PALD1: variants seen among roughly 807,000 people sequenced by gnomAD.
The protein encoded by PALD1 is phosphatase domain containing paladin 1.
In PALD1, 57 loss-of-function variants were observed where a neutral mutation model predicts 96.0. The observed-to-expected ratio is 0.59, with a 90% CI of 0.48 to 0.74. The LOEUF is 0.74. PALD1 is among the 30% of genes least tolerant of loss of function. The pLI is 0.00. For missense variants in PALD1, 1,063 were observed against 1,143.7 expected, an observed-to-expected ratio of 0.93 and a Z score of 1.02; for synonymous variants, 464 against 473.6, an observed-to-expected ratio of 0.98 and a Z score of 0.26.
intron 17 of PALD1, among the ~76,000 whole-genome samples, chr10:70,542,364 T>C (rs1315817102): frequency 3.3e-5 from 5 of 152,250 alleles, no homozygotes; most frequent in African/African-American, 1.2e-4. Flanking sequence ...CACGTTGTTG[T>C]GCAACTGTTG....
intron 1 of PALD1, among the ~76,000 whole-genome samples, chr10:70,505,125 C>T (rs1846360076): frequency 1.3e-5 from 2 of 152,208 alleles, no homozygotes; most frequent in Admixed American, 1.3e-4. Flanking sequence ...ATCGTCACAC[C>T]TATTATCAGA....
Position 70,532,773 on chromosome 10 carries a change from C to T in PALD1, c.786C>T (p.Pro262=). Residue 262 remains proline (P), a synonymous_variant, in exon 6 of 20, where the codon CCC becomes CCT. Coordinates refer to ENST00000263563, the MANE Select transcript of PALD1 (RefSeq NM_014431.3). The stretch of plus-strand genomic sequence containing the variant: ...ACAAGCGGCCCCTCTTCCTGCAGCC[C>T]ACCTACAGGTACCACAGGGCCACCC... ...EVYKRPLFLQ[P]TYRYHRLPLP... is the part of the protein sequence containing the mutation. 6.2e-7 allele frequency: 1 copy of T among 1,614,030 alleles called. No homozygotes were observed. Among genetic ancestry groups the T allele is most frequent in the Admixed American group, 1.7e-5 (1 of 60,022 alleles).
upstream of PALD1, among the ~76,000 whole-genome samples, chr10:70,475,919 C>T (rs1459734124): frequency 6.6e-6 from 1 of 152,212 alleles, no homozygotes; most frequent in Non-Finnish European, 1.5e-5. Context: ...GTGTGCTACA[C>T]GTACACACAC....
intron 18 of PALD1, among the ~76,000 whole-genome samples, chr10:70,552,462 T>C (rs184550013): frequency 1.3e-5 from 2 of 152,322 alleles, no homozygotes; most frequent in Admixed American, 6.5e-5. Context: ...TAGGAACTTA[T>C]ATTTTTAAGT....
intron 17 of PALD1, among the ~76,000 whole-genome samples, chr10:70,546,718 A>G (rs947899930): frequency 6.6e-6 from 1 of 152,254 alleles, no homozygotes; most frequent in African/African-American, 2.4e-5. Flanking sequence ...TGGGAGGCCA[A>G]GGGTGTGGAT....
intron 1 of PALD1, among the ~76,000 whole-genome samples, chr10:70,484,033 C>G (rs765363691): frequency 2.6e-5 from 4 of 152,150 alleles, no homozygotes; most frequent in African/African-American, 9.7e-5. Context: ...GATGGAGTCT[C>G]ACTCTGTTGC....
chr10:70,542,330 C>T (rs984784047), intron 17 of PALD1, among the ~76,000 whole-genome samples: 1 of 152,178 alleles, frequency 6.6e-6, no homozygotes, highest in Non-Finnish European at 1.5e-5. Context: ...TTTAAATGTA[C>T]AGTTCAGTGG....
At chr10:70,523,627 AAG>A (rs971328930) in intron 1 of PALD1, among the ~76,000 whole-genome samples, 5 of 152,142 alleles carry the variant, frequency 3.3e-5, no homozygotes, top group Admixed American at 6.5e-5. Flanking sequence ...CCTTGCCAAA[AAG>A]AGAGAGAAAG....
rs61744349 is a variant in PALD1, at chr10:70,566,714, C to T, written c.2552C>T (p.Ala851Val). 4,745 of 1,599,486 alleles carry T rather than the reference C, an allele frequency of 3.0e-3. 111 individuals are homozygous for T. The African/African-American group carries it at 0.054, about 18-fold the overall frequency. The part of the protein sequence containing the change: ...QEQSCSLEPS[A>V]PEDLL The stretch of plus-strand genomic sequence containing the variant: ...CAGAGCTGCAGCCTCGAGCCCTCTG[C>T]CCCCGAGGACTTGCTGTAGGGGGCC... The change falls in exon 20 of 20, where the codon GCC (alanine) becomes GTC (valine). Residue 851 changes from alanine to valine, a missense_variant. Coordinates refer to ENST00000263563, the MANE Select transcript of PALD1 (RefSeq NM_014431.3).
chr10:70,531,308 G>A lies in PALD1; in HGVS notation c.487G>A (p.Val163Met). 6.2e-7 allele frequency: 1 copy of A among 1,613,718 alleles called. No individual in the cohort carries two copies. The highest frequency in any genetic ancestry group is 8.5e-7 in the Non-Finnish European group (1 of 1,179,708). The change falls in exon 5 of 20, where the codon GTG (valine) becomes ATG (methionine). Residue 163 changes from valine to methionine, a missense_variant. Physicochemically the swap from Val to Met is conservative, Grantham distance 21. Coordinates refer to ENST00000263563, the MANE Select transcript of PALD1 (RefSeq NM_014431.3). ...DGHRECVIFC[V>M]REEPVLFLRA... Reference sequence around the variant, plus strand: ...CTGGCAGGAGTGTGTCATCTTCTGTGTGCGGGAGGAACCTGTGCTTTTCCT... The same window carrying A: ...CTGGCAGGAGTGTGTCATCTTCTGTATGCGGGAGGAACCTGTGCTTTTCCT...
intron 1 of PALD1, among the ~76,000 whole-genome samples, chr10:70,514,674 C>T (rs149949404): frequency 4.6e-5 from 7 of 152,246 alleles, no homozygotes; most frequent in East Asian, 3.9e-4. Context: ...TCCTAATTCT[C>T]GGCTCTCTTG....
intron 2 of PALD1, among the ~76,000 whole-genome samples, chr10:70,527,541 G>A (rs1846893719): frequency 6.6e-6 from 1 of 152,242 alleles, no homozygotes; most frequent in Non-Finnish European, 1.5e-5. Flanking sequence ...GCAGAATTGA[G>A]TAGTTGCAAC....
At chr10:70,564,595 C>G in intron 19 of PALD1, 76 bp downstream of exon 19, 3 of 1,415,164 alleles carry the variant, frequency 2.1e-6, no homozygotes, top group Non-Finnish European at 2.9e-6. Flanking sequence ...CCACTCAGTG[C>G]CTGTACATGG....
chr10:70,490,713 C>G (rs1846083962), intron 1 of PALD1, among the ~76,000 whole-genome samples: 1 of 152,154 alleles, frequency 6.6e-6, no homozygotes, highest in Non-Finnish European at 1.5e-5. Context: ...GCCCTTGGGC[C>G]TCTCCTGTGT....
chr10:70,507,748 T>C (rs1168457418), intron 1 of PALD1, among the ~76,000 whole-genome samples: 13 of 78,668 alleles, frequency 1.7e-4, no homozygotes, highest in African/African-American at 5.2e-4. Context: ...GTTTTGTGTG[T>C]GCGTGTGTGT....
the PALD1 span, among the ~76,000 whole-genome samples, chr10:70,459,175 T>C: frequency 1.3e-5 from 2 of 152,218 alleles, no homozygotes; most frequent in Admixed American, 1.3e-4. Flanking sequence ...GACGCTGCTT[T>C]GTGATAAACA....
At chr10:70,497,215 T>C (rs916462350) in intron 1 of PALD1, among the ~76,000 whole-genome samples, 1 of 152,254 alleles carries the variant, frequency 6.6e-6, no homozygotes, top group South Asian at 2.1e-4. Flanking sequence ...GATCAGCACA[T>C]AGGGGCTGTA....
At chr10:70,517,551 A>G (rs957084031) in intron 1 of PALD1, among the ~76,000 whole-genome samples, 10 of 152,046 alleles carry the variant, frequency 6.6e-5, no homozygotes, top group African/African-American at 2.2e-4. Flanking sequence ...CATGTTGACC[A>G]GGCTGGTCTT....
At chr10:70,498,495 G>A (rs1039599288) in intron 1 of PALD1, among the ~76,000 whole-genome samples, 2 of 151,592 alleles carry the variant, frequency 1.3e-5, no homozygotes, top group African/African-American at 4.9e-5. Context: ...GCCCAGGCTG[G>A]TATCAAACTC....
Sources: gnomAD v4.1 joint callset for allele counts (sites outside exome capture counted in the v4.1 genomes callset) on GRCh38, gnomAD v4.1.1 for gene constraint, MANE v1.5 for transcripts, NCBI Gene and HGNC (gene_info 2026-07-23, HGNC 2026-07-21) for gene names.